The following SYCP1 variants were observed in gnomAD, a reference collection of about 807,000 sequenced individuals.
The protein encoded by SYCP1 is cancer/testis antigen 8.
SYCP1 carries 64 observed loss-of-function variants against 153.1 expected under a neutral mutation model. The observed-to-expected ratio is 0.42, with a 90% CI of 0.34 to 0.51. The LOEUF (loss-of-function observed/expected upper bound fraction) is 0.51. Ranked by LOEUF, SYCP1 falls within the 20% of genes least tolerant of loss-of-function variation. The pLI is 0.06. For missense variants in SYCP1, 997 were observed against 1,049.0 expected (o/e 0.95, Z 0.68); for synonymous variants, 384 against 341.8 (o/e 1.12, Z -1.36).
intron 30 of SYCP1, among the ~76,000 whole-genome samples, chr1:114,994,231 A>G (rs772663200): frequency 3.3e-5 from 5 of 151,606 alleles, no homozygotes; most frequent in Middle Eastern, 3.4e-3. Context: ...TCTACTGAGT[A>G]TATATCCAGA....
intron 8 of SYCP1, among the ~76,000 whole-genome samples, chr1:114,866,158 T>C (rs1383752651): frequency 6.6e-6 from 1 of 152,164 alleles, no homozygotes; most frequent in Admixed American, 6.5e-5. Flanking sequence ...ATGTGCAGGC[T>C]TTTGTGTGGA....
At chr1:114,939,608 A>G (rs775022880) in intron 23 of SYCP1, among the ~76,000 whole-genome samples, 1 of 152,194 alleles carries the variant, frequency 6.6e-6, no homozygotes, top group Non-Finnish European at 1.5e-5. Context: ...TGGAGACAGA[A>G]AGAACAATGG....
chr1:114,898,713 C>G (rs1225408948), intron 16 of SYCP1, among the ~76,000 whole-genome samples: 4 of 152,096 alleles, frequency 2.6e-5, no homozygotes, highest in Non-Finnish European at 4.4e-5. Flanking sequence ...GCAAAATAGA[C>G]TTTAGTCTTA....
chr1:114,972,121 G>T (rs1481989825), intron 27 of SYCP1, among the ~76,000 whole-genome samples: 1 of 151,914 alleles, frequency 6.6e-6, no homozygotes, highest in African/African-American at 2.4e-5. Flanking sequence ...TTCAAGTTTT[G>T]GATTTCTTCA....
At chr1:114,984,962 A>G in intron 30 of SYCP1, 94 bp downstream of exon 30, 2 of 590,640 alleles carry the variant, frequency 3.4e-6, no homozygotes, top group Non-Finnish European at 4.9e-6. Flanking sequence ...TTTACATAGT[A>G]CCTACCATTG....
intron 17 of SYCP1, 70 bp from the exon 18 acceptor site, chr1:114,911,409 C>G: frequency 8.2e-7 from 1 of 1,225,124 alleles, no homozygotes; most frequent in Non-Finnish European, 1.1e-6. Flanking sequence ...CTTAATTACA[C>G]AGTGACTATA....
chr1:114,907,582 CTTTTTT>C (rs542034470), intron 16 of SYCP1, among the ~76,000 whole-genome samples: 2 of 134,288 alleles, frequency 1.5e-5, no homozygotes, highest in Non-Finnish European at 1.6e-5. Flanking sequence ...AATGTTGAAA[CTTTTTT>C]TTTTTTTTTT....
At chr1:114,964,171 C>A (rs1466030441) in intron 27 of SYCP1, among the ~76,000 whole-genome samples, 2 of 152,128 alleles carry the variant, frequency 1.3e-5, no homozygotes, top group Non-Finnish European at 2.9e-5. Flanking sequence ...AAAATGTCTT[C>A]TTTTGAGAAG....
At chr1:114,918,308 G>T (rs1198627233) in intron 20 of SYCP1, among the ~76,000 whole-genome samples, 1 of 152,024 alleles carries the variant, frequency 6.6e-6, no homozygotes, top group Non-Finnish European at 1.5e-5. Flanking sequence ...GCAGATGAAT[G>T]GATTTGTTTG....
At chr1:114,965,196 T>G (rs1672040806) in intron 27 of SYCP1, among the ~76,000 whole-genome samples, 1 of 152,238 alleles carries the variant, frequency 6.6e-6, no homozygotes, top group Non-Finnish European at 1.5e-5. Context: ...TTGTGATTTT[T>G]GTACATTGAT....
chr1:114,885,625 G>A lies in SYCP1; in HGVS notation c.1001G>A (p.Ser334Asn). The change falls in exon 13 of 32, where the codon AGT (serine) becomes AAT (asparagine). Residue 334 changes from serine to asparagine, a missense_variant. Transcript: ENST00000369522. The part of the protein sequence containing the change: ...LEDIKVSLQR[S>N]VSTQKALEED... ...GATATTAAAGTGTCATTACAAAGAA[G>A]TGTGGTATGATTTAAAAACTCATTA... is the stretch of plus-strand genomic sequence containing the variant. 1 of 1,555,970 alleles carries A rather than the reference G, an allele frequency of 6.4e-7. No homozygotes were observed. The highest frequency in any genetic ancestry group is 1.2e-5 in the South Asian group (1 of 84,746).
At chr1:114,994,092 A>G (rs1674109742) in intron 30 of SYCP1, among the ~76,000 whole-genome samples, 1 of 151,254 alleles carries the variant, frequency 6.6e-6, no homozygotes, top group Non-Finnish European at 1.5e-5. Context: ...CATTGTATGT[A>G]TACACCACAT....
intron 16 of SYCP1, among the ~76,000 whole-genome samples, chr1:114,897,921 C>CT (rs1474624803): frequency 2.6e-5 from 4 of 152,146 alleles, no homozygotes; most frequent in Non-Finnish European, 4.4e-5. Context: ...ACAGGGGAGC[C>CT]TAGAGGGTGG....
chr1:114,976,576 C>G (rs1672804721), intron 27 of SYCP1, among the ~76,000 whole-genome samples: 1 of 124,486 alleles, frequency 8.0e-6, no homozygotes, highest in South Asian at 2.5e-4. Flanking sequence ...CCTCTAGAAG[C>G]CAAGATACAT....
At chr1:114,946,246 T>C in intron 25 of SYCP1, 43 bp from the exon 26 acceptor site, 1 of 1,007,826 alleles carries the variant, frequency 9.9e-7, no homozygotes, top group East Asian at 3.1e-5. Flanking sequence ...TTATAATCTA[T>C]TCAGTTTTAA....
intron 16 of SYCP1, among the ~76,000 whole-genome samples, chr1:114,905,621 CT>C (rs1667759732): frequency 6.6e-6 from 1 of 152,022 alleles, no homozygotes; most frequent in Admixed American, 6.5e-5. Context: ...GCTTTTGTTT[CT>C]TTTCTGTTTT....
At chr1:114,966,479 T>A (rs902100810) in intron 27 of SYCP1, among the ~76,000 whole-genome samples, 1 of 152,156 alleles carries the variant, frequency 6.6e-6, no homozygotes, top group African/African-American at 2.4e-5. Context: ...GATGTGGGCA[T>A]TTAGTGCTAC....
chr1:114,866,382 G>A (rs917155685), intron 8 of SYCP1, among the ~76,000 whole-genome samples: 3 of 152,010 alleles, frequency 2.0e-5, no homozygotes, highest in African/African-American at 4.8e-5. Context: ...TTCGAATAGG[G>A]GTATGTATTG....
rs574753037 is a variant in SYCP1, at chr1:114,936,581, G to A, written c.1927-7758G>A. ...AATCAGGCAGGAGAAAGAAATAAAG[G>A]CTATTCAATTAGGAAAAGAGGAAGT... On this transcript the variant is annotated intron_variant, in intron 23 of 31. Coordinates refer to ENST00000369522, the MANE Select transcript of SYCP1 (RefSeq NM_003176.4). Among the ~76,000 whole-genome samples, 8 of 152,210 alleles carry A rather than the reference G, an allele frequency of 5.3e-5. 1 individual carries two copies. The South Asian group carries it at 1.5e-3, about 28-fold the overall frequency.
Sources: gnomAD v4.1 joint callset for allele counts (sites outside exome capture counted in the v4.1 genomes callset) on GRCh38, gnomAD v4.1.1 for gene constraint, MANE v1.5 for transcripts, NCBI Gene and HGNC (gene_info 2026-07-23, HGNC 2026-07-21) for gene names.